RUNX1T1: variants seen among roughly 807,000 people sequenced by gnomAD.
RUNX1T1 encodes protein CBFA2T1.
Under a neutral mutation model 62.8 loss-of-function variants are expected in RUNX1T1, and 4 were observed. That is an observed-to-expected ratio of 0.06 (90% confidence interval 0.03 to 0.15). The LOEUF is 0.15. RUNX1T1 is among the 10% of genes least tolerant of loss of function. The pLI is 1.00. For synonymous variants in RUNX1T1, 291 were observed against 286.0 expected (o/e 1.02, Z -0.18); for missense variants, 508 against 754.3 (o/e 0.67, Z 3.82).
At chr8:92,062,490 A>T (rs542232265) in intron 1 of RUNX1T1, 3 of 1,576,076 alleles carry the variant, frequency 1.9e-6, no homozygotes, top group African/African-American at 2.7e-5. Flanking sequence ...TGCATAATAG[A>T]AAGTAAGCTT....
At chr8:92,005,094 C>A in intron 5 of RUNX1T1, 22 bp downstream of exon 6, 1 of 1,578,362 alleles carries the variant, frequency 6.3e-7, no homozygotes, top group Non-Finnish European at 8.6e-7. Flanking sequence ...CATGGTTCAT[C>A]CAGGCTCCTC....
At chr8:91,970,215 T>G (rs1812535065) in intron 10 of RUNX1T1, among the ~76,000 whole-genome samples, 1 of 152,186 alleles carries the variant, frequency 6.6e-6, no homozygotes, top group East Asian at 1.9e-4. Flanking sequence ...AAACATTGTT[T>G]TAGCATTGGA....
chr8:92,067,036 T>C (rs955714277), upstream of RUNX1T1, among the ~76,000 whole-genome samples: 5 of 152,190 alleles, frequency 3.3e-5, no homozygotes, highest in African/African-American at 1.2e-4. Flanking sequence ...CACAAGAACT[T>C]TGCTTAGATG....
intron 10 of RUNX1T1, among the ~76,000 whole-genome samples, chr8:91,964,688 T>G (rs1811207344): frequency 6.6e-6 from 1 of 152,188 alleles, no homozygotes; most frequent in Admixed American, 6.5e-5. Context: ...TTAAAAATAT[T>G]CTTTCTAAAA....
At chr8:92,085,965 G>T (rs956354641) in intron 1 of RUNX1T1, among the ~76,000 whole-genome samples, 1 of 152,168 alleles carries the variant, frequency 6.6e-6, no homozygotes, top group Admixed American at 6.5e-5. Flanking sequence ...TTGTAAAATG[G>T]ATAGACATTT....
intron 1 of RUNX1T1, among the ~76,000 whole-genome samples, chr8:92,092,803 C>T (rs918301292): frequency 3.9e-5 from 6 of 151,986 alleles, no homozygotes; most frequent in Non-Finnish European, 5.9e-5. Context: ...ATAAAAGTGC[C>T]AACAAATGAA....
chr8:92,014,246 A>T (rs1822546097), intron 3 of RUNX1T1, among the ~76,000 whole-genome samples: 1 of 152,066 alleles, frequency 6.6e-6, no homozygotes, highest in Admixed American at 6.6e-5. Context: ...ATGCCAGGAA[A>T]GTGTACTTAC....
intron 8 of RUNX1T1, among the ~76,000 whole-genome samples, chr8:91,982,743 C>T (rs577706495): frequency 2.0e-5 from 3 of 152,022 alleles, no homozygotes; most frequent in Non-Finnish European, 2.9e-5. Context: ...ACAGTAAAAA[C>T]GATAAATATC....
At chr8:92,053,818 G>A (rs1318261860) in intron 1 of RUNX1T1, among the ~76,000 whole-genome samples, 1 of 152,080 alleles carries the variant, frequency 6.6e-6, no homozygotes, top group Non-Finnish European at 1.5e-5. Flanking sequence ...CATACTCTAT[G>A]CCAGGCTCAC....
chr8:92,095,756 T>C, intron 1 of RUNX1T1: 1 of 404,982 alleles, frequency 2.5e-6, no homozygotes. Flanking sequence ...CCTAAGGCTA[T>C]CTGGGAATGA....
chr8:92,069,521 C>T (rs1833371469), intron 2 of RUNX1T1, among the ~76,000 whole-genome samples: 1 of 152,118 alleles, frequency 6.6e-6, no homozygotes, highest in African/African-American at 2.4e-5. Context: ...AATCTATGCA[C>T]ACATACTAAT....
intron 2 of RUNX1T1, among the ~76,000 whole-genome samples, chr8:92,072,122 G>A (rs1221860082): frequency 6.6e-6 from 1 of 152,126 alleles, no homozygotes; most frequent in Non-Finnish European, 1.5e-5. Flanking sequence ...AAAGAAAATT[G>A]TACTCAAATA....
intron 6 of RUNX1T1, among the ~76,000 whole-genome samples, chr8:91,991,349 A>G (rs1817630815): frequency 6.6e-6 from 1 of 152,182 alleles, no homozygotes; most frequent in Admixed American, 6.5e-5. Flanking sequence ...TTTATTTTGC[A>G]TTTGTTACCA....
chr8:91,975,210 A>T (rs1813661032), intron 9 of RUNX1T1, among the ~76,000 whole-genome samples: 2 of 152,324 alleles, frequency 1.3e-5, no homozygotes, highest in African/African-American at 4.8e-5. Context: ...ATTCTCACAG[A>T]TCTGGACTTC....
intron 1 of RUNX1T1, among the ~76,000 whole-genome samples, chr8:92,034,458 G>C (rs575522107): frequency 7.9e-5 from 12 of 152,142 alleles, no homozygotes; most frequent in African/African-American, 2.9e-4. Flanking sequence ...AGACAAATTT[G>C]AACAGCCTGT....
exon 11 of RUNX1T1, chr8:91,959,213 A>C (rs1809847419): frequency 4.6e-6 from 1 of 218,360 alleles, no homozygotes. Flanking sequence ...GGGGTTGAAA[A>C]ATTTTGGAAA....
At chr8:92,095,340 A>C in intron 1 of RUNX1T1, 1 of 1,533,940 alleles carries the variant, frequency 6.5e-7, no homozygotes, top group South Asian at 1.2e-5. Flanking sequence ...CTGTTCACGG[A>C]GATTACCTTC....
chr8:91,991,683 C>T (rs866302796), exon 6 of RUNX1T1: 4 of 1,613,950 alleles, frequency 2.5e-6, no homozygotes, highest in Admixed American at 1.7e-5. Flanking sequence ...GCTGGGGTGT[C>T]GATAGGAGTC....
intron 1 of RUNX1T1, among the ~76,000 whole-genome samples, chr8:92,026,123 G>A (rs1825098820): frequency 6.6e-6 from 1 of 152,154 alleles, no homozygotes; most frequent in Non-Finnish European, 1.5e-5. Flanking sequence ...TCTGTGGATG[G>A]TGGTACAGGT....
Sources: allele counts gnomAD v4.1 joint callset (sites outside exome capture counted in the v4.1 genomes callset), GRCh38; gene constraint gnomAD v4.1.1; transcripts MANE v1.5; gene names NCBI Gene and HGNC (gene_info 2026-07-23, HGNC 2026-07-21).